The following FNDC7 variants were observed in gnomAD, a reference collection of about 807,000 sequenced individuals.
FNDC7 encodes fibronectin type III domain-containing protein 7.
A neutral mutation model predicts 74.2 loss-of-function variants in FNDC7; 66 were observed. The ratio of observed to expected loss-of-function variants is 0.89; its 90% CI spans 0.73 to 1.09. The LOEUF (loss-of-function observed/expected upper bound fraction) is 1.09, where lower values mean the gene tolerates loss of function less well. Among genes scored for constraint, FNDC7 ranks in the 50% least tolerant of loss-of-function variants. The pLI, the probability that FNDC7 is intolerant of heterozygous loss-of-function variation, is 0.00. For missense variants in FNDC7, 829 were observed against 893.4 expected (o/e 0.93, Z 0.92); for synonymous variants, 307 against 330.2 (o/e 0.93, Z 0.76).
rs756829754 is a variant in FNDC7 at position 108,728,752 on chromosome 1, T to C, written c.1490T>C (p.Leu497Pro). The change falls in exon 8 of 13, where the codon CTG (leucine) becomes CCG (proline). Residue 497 changes from leucine to proline, a missense_variant. Leu to Pro is a moderately conservative substitution (Grantham distance 98, BLOSUM62 -3). Coordinates refer to ENST00000370017, the MANE Select transcript of FNDC7 (RefSeq NM_001144937.3). ...GTGACTGCCCAAGGGGAGAAAGGAC[T>C]GTATCAGTGCAGCAGCACAGGAGAG... ...YTVTAQGEKGLYQCSSTGESC... is the reference protein window; with the variant it reads ...YTVTAQGEKGPYQCSSTGESC... The C allele has an allele frequency of 5.0e-6, 8 of 1,614,168 alleles. No individual in the cohort carries two copies. In the African/African-American group the frequency reaches 5.3e-5, roughly 11 times the overall value.
At position 108,719,278 on chromosome 1, in the gene FNDC7, C is replaced by T. The variant is rs545012992; in HGVS notation, c.598+229C>T. On this transcript the variant is annotated intron_variant, in intron 4 of 12. Transcript: ENST00000370017. ...TACTCAGAATGCACACAGCATGGCT[C>T]CGCCCTCTAATATCCAACTCAATTT... 2.6e-5 allele frequency among the ~76,000 whole-genome samples: 4 copies of T among 152,338 alleles called. No homozygotes were observed. In the South Asian group the frequency reaches 8.3e-4, roughly 32 times the overall value.
Position 108,717,777 on chromosome 1 carries a change from C to G in FNDC7, c.83C>G (p.Ala28Gly), listed in dbSNP as rs1015924473. 25 of 1,551,392 alleles carry G rather than the reference C, an allele frequency of 1.6e-5. No individual in the cohort carries two copies. The highest frequency in any genetic ancestry group is 3.9e-5 in the Admixed American group (2 of 50,986). Residue 28 changes from alanine (A) to glycine (G), a missense_variant and splice_region_variant, in exon 3 of 13, where the codon GCT becomes GGT. By Grantham distance (60) the Ala-to-Gly change is moderately conservative. Coordinates refer to ENST00000370017, the MANE Select transcript of FNDC7 (RefSeq NM_001144937.3). ...CLKMVASAKS[A>G]PEIPTIDQAY... ...TGTACAACTCTAAAACCTCTTTCAG[C>G]TCCTGAAATACCCACTATTGATCAG...
chr1:108,728,491 G>A lies in FNDC7; in HGVS notation c.1370-141G>A, dbSNP rs186132020. 2.0e-4 allele frequency: 170 copies of A among 866,638 alleles called. No individual in the cohort carries two copies. In the Admixed American group the frequency reaches 2.9e-3, roughly 15 times the overall value. The allele number at this position is 866,638 out of a possible 1,614,324, so 53.7% of individuals were successfully genotyped here. On this transcript the variant is annotated intron_variant, in intron 7 of 12. Transcript: ENST00000370017. ...TAATGTCAACAGTTCCCCACGCATA[G>A]GCACTATGAATTTGGCCCGCATGCA...
chr1:108,738,697 C>T (rs1661573195), intron 11 of FNDC7, among the ~76,000 whole-genome samples: 1 of 152,056 alleles, frequency 6.6e-6, no homozygotes, highest in Admixed American at 6.6e-5. Context: ...TCTAGAGTCT[C>T]CACTCCCTGT....
intron 4 of FNDC7, among the ~76,000 whole-genome samples, chr1:108,720,239 G>C (rs2101078754): frequency 6.6e-6 from 1 of 152,080 alleles, no homozygotes; most frequent in Non-Finnish European, 1.5e-5. Flanking sequence ...AGGGCCCACT[G>C]TGTGCTGGGC....
At chr1:108,724,358 G>A (rs965623979) in intron 5 of FNDC7, among the ~76,000 whole-genome samples, 6 of 151,836 alleles carry the variant, frequency 4.0e-5, no homozygotes, top group African/African-American at 7.3e-5. Context: ...TTCCTTATTC[G>A]TAGCATCTAG....
At chr1:108,730,145 G>C (rs535149817) in intron 8 of FNDC7, among the ~76,000 whole-genome samples, 1 of 152,296 alleles carries the variant, frequency 6.6e-6, no homozygotes, top group African/African-American at 2.4e-5. Context: ...TTGGGAGGCT[G>C]AGGCAGGCAG....
In FNDC7 at chr1:108,713,886, T is replaced by C. The variant is rs143265901; in HGVS notation, c.82+357T>C. ...TACAGAGTCTAATTTATACAAATGTTCTTGTTTATCTTCCGGGGAATTAGA... is the reference window on the plus strand; with the variant it reads ...TACAGAGTCTAATTTATACAAATGTCCTTGTTTATCTTCCGGGGAATTAGA... On this transcript the variant is annotated intron_variant, in intron 2 of 12. Transcript: ENST00000370017. Among the ~76,000 whole-genome samples, 553 of 152,376 alleles carry C rather than the reference T, an allele frequency of 3.6e-3. 1 individual carries two copies. Among genetic ancestry groups the C allele is most frequent in the Middle Eastern group, 0.014 (4 of 294 alleles).
chr1:108,742,123 C>T lies in FNDC7; in HGVS notation c.*236C>T. ...GTGAGGACTCTGGAGAGAAATGAAT[C>T]CAGAAAGTCCCCTGGACGGCTGCTA... On this transcript the variant is annotated 3_prime_UTR_variant, in exon 13 of 13. Coordinates refer to ENST00000370017, the MANE Select transcript of FNDC7 (RefSeq NM_001144937.3). The T allele has an allele frequency of 2.7e-6, 1 of 366,446 alleles. No individual in the cohort carries two copies. Among genetic ancestry groups the T allele is most frequent in the Non-Finnish European group, 5.0e-6 (1 of 201,906 alleles). 22.7% of individuals were successfully genotyped at this position (366,446 alleles called of 1,614,324 possible).
In FNDC7 at chr1:108,725,813, G is replaced by T. The variant is rs150519989; in HGVS notation, c.920G>T (p.Trp307Leu). Residue 307 changes from tryptophan (W) to leucine (L), a missense_variant, in exon 6 of 13, where the codon TGG becomes TTG. By Grantham distance (61) the Trp-to-Leu change is moderately conservative. Transcript: ENST00000370017. Reference sequence around the variant, plus strand: ...CCCCCTGGCCACCTGTCTGTGGCTTGGTCCAGTGTAGATCTGGGTGACTAC... The same window carrying T: ...CCCCCTGGCCACCTGTCTGTGGCTTTGTCCAGTGTAGATCTGGGTGACTAC... ...EDPPGHLSVAWSSVDLGDYYV... is the reference protein window; with the variant it reads ...EDPPGHLSVALSSVDLGDYYV... 2 of 1,614,002 alleles carry T rather than the reference G, an allele frequency of 1.2e-6. No homozygotes were observed. Among genetic ancestry groups the T allele is most frequent in the African/African-American group, 1.3e-5 (1 of 74,882 alleles).
rs906400125 is a variant in FNDC7 at position 108,741,769 on chromosome 1, T to G, written c.2171-4T>G. 1 of 1,613,788 alleles carries G rather than the reference T, an allele frequency of 6.2e-7. No homozygotes were observed. The highest frequency in any genetic ancestry group is 1.3e-5 in the African/African-American group (1 of 75,040). On this transcript the variant is annotated splice_polypyrimidine_tract_variant and splice_region_variant and intron_variant, in intron 11 of 12. Transcript: ENST00000370017. Reference sequence around the variant, plus strand: ...TTACTGCTTCCCTTCCTTACCCTTTTCAGTGATTTATAGAGGGAAGAGAAA... The same window carrying G: ...TTACTGCTTCCCTTCCTTACCCTTTGCAGTGATTTATAGAGGGAAGAGAAA...
intron 4 of FNDC7, among the ~76,000 whole-genome samples, chr1:108,721,188 G>A (rs973527427): frequency 1.3e-5 from 2 of 151,856 alleles, no homozygotes; most frequent in Admixed American, 6.6e-5. Context: ...AGGCCTTCCC[G>A]GCCGGGCACG....
At position 108,733,340 on chromosome 1, in the gene FNDC7, G is replaced by GAA; in HGVS notation, c.1948_1949insAA (p.Ala650GlufsTer44). ...TAATGGCATCCGGATCTACTGGCAA[G>GAA]CCTCCAGGGGCTCTGCCAATTACAG... On this transcript the variant is annotated frameshift_variant, in exon 10 of 13. Transcript: ENST00000370017. LOFTEE classifies it high-confidence loss of function. 1 of 1,614,166 alleles carries GAA rather than the reference G, an allele frequency of 6.2e-7. No homozygotes were observed. Among genetic ancestry groups the GAA allele is most frequent in the Non-Finnish European group, 8.5e-7 (1 of 1,180,036 alleles).
intron 10 of FNDC7, among the ~76,000 whole-genome samples, chr1:108,736,775 A>T (rs2101090669): frequency 6.6e-6 from 1 of 152,262 alleles, no homozygotes; most frequent in South Asian, 2.1e-4. Flanking sequence ...GGTAAAAGCC[A>T]TACATTTGGG....
chr1:108,738,204 C>A (rs1038362336), intron 11 of FNDC7, among the ~76,000 whole-genome samples: 4 of 152,128 alleles, frequency 2.6e-5, no homozygotes, highest in Non-Finnish European at 5.9e-5. Flanking sequence ...CAGAGAGCTA[C>A]GATGTTTGCT....
chr1:108,713,113 T>A, intron 1 of FNDC7, 117 bp downstream of exon 1: 1 of 949,006 alleles, frequency 1.1e-6, no homozygotes, highest in East Asian at 2.6e-5. Context: ...ATCAGAATAC[T>A]TTGGTTTGTA....
chr1:108,729,978 T>G (rs1557791274), intron 8 of FNDC7, among the ~76,000 whole-genome samples: 1 of 152,236 alleles, frequency 6.6e-6, no homozygotes, highest in Admixed American at 6.5e-5. Context: ...ATCAGTGATG[T>G]ACTATGAAAT....
At chr1:108,734,971 T>C (rs1446797547) in intron 10 of FNDC7, among the ~76,000 whole-genome samples, 3 of 152,166 alleles carry the variant, frequency 2.0e-5, no homozygotes, top group Non-Finnish European at 4.4e-5. Context: ...TATCTACAAC[T>C]CTTCTCTTCT....
At chr1:108,725,153 A>T (rs1379460105) in intron 5 of FNDC7, among the ~76,000 whole-genome samples, 1 of 152,142 alleles carries the variant, frequency 6.6e-6, no homozygotes, top group African/African-American at 2.4e-5. Flanking sequence ...TTTCCATGCT[A>T]TGGAGGCTTT....
Sources: gnomAD v4.1 joint callset for allele counts (sites outside exome capture counted in the v4.1 genomes callset) on GRCh38, gnomAD v4.1.1 for gene constraint, MANE v1.5 for transcripts, NCBI Gene and HGNC (gene_info 2026-07-23, HGNC 2026-07-21) for gene names.